Variants in RNF17 observed in about 807,000 individuals in gnomAD.
The protein encoded by RNF17 is spermatogenesis associated 23.
A neutral mutation model predicts 200.5 loss-of-function variants in RNF17; 31 were observed. The ratio of observed to expected loss-of-function variants is 0.15; its 90% CI spans 0.12 to 0.21. The LOEUF is 0.21. Among genes scored for constraint, RNF17 ranks in the 10% least tolerant of loss-of-function variants. RNF17 has a pLI of 1.00. For missense variants in RNF17, 1,628 were observed against 1,905.1 expected (o/e 0.85, Z 2.71); for synonymous variants, 606 against 637.8 (o/e 0.95, Z 0.75).
At chr13:24,781,795 A>C (rs1457947367) in intron 5 of RNF17, 49 bp from the exon 6 acceptor site, 2 of 1,377,842 alleles carry the variant, frequency 1.5e-6, no homozygotes, top group Admixed American at 2.2e-5. Flanking sequence ...AACTTCTACA[A>C]AATAAAAATT....
chr13:24,792,265 T>G (rs189991918), intron 9 of RNF17, among the ~76,000 whole-genome samples: 41 of 152,288 alleles, frequency 2.7e-4, no homozygotes, highest in Admixed American at 1.8e-3. Context: ...TTTTCCTAGT[T>G]TTTAGGGAAA....
intron 17 of RNF17, among the ~76,000 whole-genome samples, chr13:24,831,144 A>C (rs12429314): frequency 0.22 from 34,149 of 152,112 alleles, 4,378 homozygotes; most frequent in East Asian, 0.39. Flanking sequence ...AAAAATTTTA[A>C]AATACAAATG....
At chr13:24,819,563 C>T (rs970857454) in intron 15 of RNF17, among the ~76,000 whole-genome samples, 1 of 152,116 alleles carries the variant, frequency 6.6e-6, no homozygotes, top group Non-Finnish European at 1.5e-5. Context: ...ATGGAGATTA[C>T]ATATAACATC....
In RNF17 at chr13:24,877,171, C is replaced by G. The variant is rs747455621; in HGVS notation, c.4758C>G (p.Leu1586=). The change falls in exon 34 of 36, where the codon CTC becomes CTG. Residue 1586 remains leucine, a synonymous_variant. Transcript: ENST00000255324. The part of the protein sequence containing the change: ...AMIDCLQGKQ[L]YAVSMAPAPE... ...TAGACTGTCTTCAAGGAAAACAACT[C>G]TATGCTGTGTCCATGGTAAGTGTCT... 4 of 1,611,928 alleles carry G rather than the reference C, an allele frequency of 2.5e-6. No individual in the cohort carries two copies. The highest frequency in any genetic ancestry group is 2.7e-5 in the African/African-American group (2 of 74,816).
chr13:24,834,442 A>ACAAC (rs1555279655), intron 18 of RNF17, among the ~76,000 whole-genome samples: 2 of 147,106 alleles, frequency 1.4e-5, no homozygotes, highest in East Asian at 4.0e-4. Context: ...AAGAACAACA[A>ACAAC]AAAAGCAACA....
chr13:24,782,606 G>GT (rs527969767), intron 6 of RNF17, among the ~76,000 whole-genome samples: 1 of 29,800 alleles, frequency 3.4e-5, no homozygotes, highest in Non-Finnish European at 1.0e-4. Flanking sequence ...AGGCTGAGAT[G>GT]GGGGGGGGAT....
Position 24,859,176 on chromosome 13 carries a change from A to C in RNF17, c.3774+12A>C. 1 of 1,560,566 alleles carries C rather than the reference A, an allele frequency of 6.4e-7. No individual in the cohort carries two copies. Among genetic ancestry groups the C allele is most frequent in the Non-Finnish European group, 8.7e-7 (1 of 1,149,218 alleles). Reference sequence around the variant, plus strand: ...GTGGCGCTGTCAGAGTGAGTCTGATATTCTTTTGTGACAATTCTAAAGCTA... The same window carrying C: ...GTGGCGCTGTCAGAGTGAGTCTGATCTTCTTTTGTGACAATTCTAAAGCTA... On this transcript the variant is annotated intron_variant, in intron 26 of 35. Coordinates refer to ENST00000255324, the MANE Select transcript of RNF17 (RefSeq NM_031277.3).
chr13:24,811,626 C>G (rs1341973504), intron 15 of RNF17, among the ~76,000 whole-genome samples: 1 of 152,172 alleles, frequency 6.6e-6, no homozygotes, highest in Non-Finnish European at 1.5e-5. Context: ...TCGTCTGAAG[C>G]CTTCTTCTCT....
chr13:24,883,497 A>G (rs1201447418), downstream of RNF17: 1 of 685,118 alleles, frequency 1.5e-6, no homozygotes, highest in Admixed American at 2.8e-5. Context: ...GGTTATCCCT[A>G]TACAATTGTA....
At chr13:24,756,063 T>G in the RNF17 span, among the ~76,000 whole-genome samples, 1 of 152,326 alleles carries the variant, frequency 6.6e-6, no homozygotes, top group South Asian at 2.1e-4. Flanking sequence ...GTATATTGAA[T>G]TAATTACTGG....
At chr13:24,764,421 T>C in intron 1 of RNF17, 88 bp downstream of exon 1, 1 of 1,453,364 alleles carries the variant, frequency 6.9e-7, no homozygotes, top group Non-Finnish European at 9.2e-7. Flanking sequence ...TGAGGCTTGG[T>C]CAGCTGCATC....
At chr13:24,868,967 T>G (rs550821828) in intron 31 of RNF17, among the ~76,000 whole-genome samples, 1 of 152,370 alleles carries the variant, frequency 6.6e-6, no homozygotes, top group Admixed American at 6.5e-5. Flanking sequence ...ATCTGATATT[T>G]AGATTTTTAA....
chr13:24,884,018 G>A (rs201774037), downstream of RNF17: 22 of 1,613,940 alleles, frequency 1.4e-5, no homozygotes, highest in East Asian at 3.6e-4. Flanking sequence ...TGTCCATCAG[G>A]AAATAAGTTT....
At chr13:24,850,283 A>G (rs2138204102) in intron 22 of RNF17, 58 bp from the exon 23 acceptor site, 2 of 1,076,020 alleles carry the variant, frequency 1.9e-6, no homozygotes, top group Non-Finnish European at 1.4e-6. Flanking sequence ...TGTTTTTTGT[A>G]TATTTCAATA....
At chr13:24,845,320 G>A (rs1891138898) in intron 22 of RNF17, among the ~76,000 whole-genome samples, 2 of 152,010 alleles carry the variant, frequency 1.3e-5, no homozygotes, top group Admixed American at 1.3e-4. Flanking sequence ...TTACTTTGAG[G>A]AACAACAAAC....
chr13:24,761,013 A>G (rs1878696919), upstream of RNF17, among the ~76,000 whole-genome samples: 1 of 152,206 alleles, frequency 6.6e-6, no homozygotes. Context: ...GAACCCTTAT[A>G]CAGTTAGTGG....
At chr13:24,816,767 C>T (rs2084166) in intron 15 of RNF17, among the ~76,000 whole-genome samples, 3,064 of 152,270 alleles carry the variant, frequency 0.02, 108 homozygotes, top group African/African-American at 0.07. Flanking sequence ...GGACACAGGT[C>T]GGACAAGAAC....
intron 19 of RNF17, 76 bp downstream of exon 19, chr13:24,842,237 A>T: frequency 1.5e-6 from 2 of 1,303,214 alleles, no homozygotes; most frequent in Non-Finnish European, 2.1e-6. Context: ...GGAAACTGGC[A>T]TATCATTCCC....
intron 26 of RNF17, among the ~76,000 whole-genome samples, 164 bp from the exon 27 acceptor site, chr13:24,861,104 C>T (rs187750441): frequency 1.5e-4 from 23 of 152,260 alleles, no homozygotes; most frequent in Admixed American, 4.6e-4. Context: ...GTCTCAAACT[C>T]CTGGGCTCAA....
Sources: gnomAD v4.1 joint callset for allele counts (sites outside exome capture counted in the v4.1 genomes callset) on GRCh38, gnomAD v4.1.1 for gene constraint, MANE v1.5 for transcripts, NCBI Gene and HGNC (gene_info 2026-07-23, HGNC 2026-07-21) for gene names.